The following RNF139 variants were observed in gnomAD, a reference collection of about 807,000 sequenced individuals.
RNF139 encodes ring finger protein 139.
Under a neutral mutation model 49.5 loss-of-function variants are expected in RNF139, and 15 were observed. That is an observed-to-expected ratio of 0.30 (90% confidence interval 0.20 to 0.47). The LOEUF (loss-of-function observed/expected upper bound fraction) is 0.47, where lower values mean the gene tolerates loss of function less well. Ranked by LOEUF, RNF139 falls within the 20% of genes least tolerant of loss-of-function variation. The pLI, the probability that RNF139 is intolerant of heterozygous loss-of-function variation, is 1.00. For missense variants in RNF139, 619 were observed against 806.3 expected (o/e 0.77, Z 2.81); for synonymous variants, 325 against 300.9 (o/e 1.08, Z -0.83).
intron 1 of RNF139, among the ~76,000 whole-genome samples, chr8:124,479,953 C>T (rs1392295894): frequency 1.3e-5 from 2 of 151,896 alleles, no homozygotes; most frequent in Non-Finnish European, 2.9e-5. Flanking sequence ...TAGTGAGACC[C>T]TGTCTCTGCA....
intron 1 of RNF139, among the ~76,000 whole-genome samples, chr8:124,477,398 T>G (rs1419229658): frequency 6.6e-6 from 1 of 152,252 alleles, no homozygotes; most frequent in Admixed American, 6.5e-5. Context: ...TCGTTCTGCC[T>G]TGTTAGTTTT....
At chr8:124,482,817 T>G (rs186105707) in intron 1 of RNF139, among the ~76,000 whole-genome samples, 2 of 149,344 alleles carry the variant, frequency 1.3e-5, no homozygotes, top group Admixed American at 1.4e-4. Context: ...TCCCAGCTTC[T>G]TGGGAGGCTG....
At chr8:124,478,623 C>CA (rs1193982560) in intron 1 of RNF139, among the ~76,000 whole-genome samples, 2 of 147,138 alleles carry the variant, frequency 1.4e-5, no homozygotes, top group Admixed American at 6.7e-5. Flanking sequence ...AAAAAAAAGT[C>CA]AAAAAAAATT....
intron 1 of RNF139, among the ~76,000 whole-genome samples, chr8:124,485,180 A>G (rs376211876): frequency 1.1e-3 from 170 of 152,278 alleles, no homozygotes; most frequent in African/African-American, 3.9e-3. Flanking sequence ...TCTGGCCAAC[A>G]TGGTGAAACC....
At chr8:124,483,180 T>TAATATATATTA (rs1816480001) in intron 1 of RNF139, among the ~76,000 whole-genome samples, 1 of 136,544 alleles carries the variant, frequency 7.3e-6, no homozygotes, top group Non-Finnish European at 1.5e-5. Flanking sequence ...TGGCCCATTT[T>TAATATATATTA]CTTGGGGAAT....
chr8:124,483,970 A>G (rs1273521213), intron 1 of RNF139, among the ~76,000 whole-genome samples: 1 of 152,156 alleles, frequency 6.6e-6, no homozygotes, highest in African/African-American at 2.4e-5. Flanking sequence ...TACATGTGTA[A>G]TAGGGTAGAT....
At chr8:124,480,401 C>T (rs1282161225) in intron 1 of RNF139, among the ~76,000 whole-genome samples, 6 of 105,064 alleles carry the variant, frequency 5.7e-5, no homozygotes, top group African/African-American at 2.1e-4. Flanking sequence ...GAGACTCCAT[C>T]ACTAAAAAAA....
intron 1 of RNF139, among the ~76,000 whole-genome samples, chr8:124,477,280 AT>A (rs1421947048): frequency 2.6e-5 from 4 of 152,312 alleles, no homozygotes; most frequent in African/African-American, 9.6e-5. Context: ...AATTTTTCAC[AT>A]TTGTAAGGAT....
At position 124,482,977 on chromosome 8, in the gene RNF139, A is replaced by AAT. The variant is rs377661619; in HGVS notation, c.182-2843_182-2842dup. 7.7e-3 allele frequency among the ~76,000 whole-genome samples: 703 copies of AAT among 91,436 alleles called. 19 individuals carry two copies. The highest frequency in any genetic ancestry group is 0.041 in the South Asian group (90 of 2,208). 60.0% of individuals were successfully genotyped at this position (91,436 alleles called of 152,430 possible). A position where few individuals can be genotyped will look rare whatever the true frequency, so the allele number is the denominator to read the frequency against. On this transcript the variant is annotated intron_variant, in intron 1 of 1. Transcript: ENST00000303545. ...ATATATAATATATATATATTATTTAAATATATATATATTTAAAAATATATA... is the reference window on the plus strand; with the variant it reads ...ATATATAATATATATATATTATTTAAATATATATATATATTTAAAAATATATA...
At chr8:124,476,948 A>C (rs150812497) in intron 1 of RNF139, among the ~76,000 whole-genome samples, 1 of 152,206 alleles carries the variant, frequency 6.6e-6, no homozygotes, top group East Asian at 1.9e-4. Context: ...TTTTGTAATA[A>C]ATCTTGGAAG....
chr8:124,480,849 C>CATCA (rs924709846), intron 1 of RNF139, among the ~76,000 whole-genome samples: 2 of 151,958 alleles, frequency 1.3e-5, no homozygotes, highest in African/African-American at 4.8e-5. Context: ...ACAAAACAGT[C>CATCA]ATCACTCCAG....
chr8:124,475,235 G>A lies in RNF139; in HGVS notation c.126G>A (p.Pro42=), dbSNP rs968308386. 4 of 1,610,134 alleles carry A rather than the reference G, an allele frequency of 2.5e-6. No individual in the cohort carries two copies. Among genetic ancestry groups the A allele is most frequent in the Non-Finnish European group, 3.4e-6 (4 of 1,177,586 alleles). The change falls in exon 1 of 2, where the codon CCG becomes CCA. Residue 42 remains proline, a synonymous_variant. Transcript: ENST00000303545. Reference sequence around the variant, plus strand: ...TCGACGCCATCTTCAACTCCTACCCGGATTCCAGCCAAAGCCGGTTCTGCA... The same window carrying A: ...TCGACGCCATCTTCAACTCCTACCCAGATTCCAGCCAAAGCCGGTTCTGCA... The part of the protein sequence containing the change: ...YIIDAIFNSY[P]DSSQSRFCIV...
chr8:124,486,158 T>C lies in RNF139; in HGVS notation c.509T>C (p.Leu170Pro). ...CCTGTAATAGGCTTAATCACAGAGC[T>C]ACCATTACACATCAGAGAGACTTTA... ...LVPVIGLITELPLHIRETLLF... is the reference protein window; with the variant it reads ...LVPVIGLITEPPLHIRETLLF... Residue 170 changes from leucine to proline, a missense_variant, in exon 2 of 2, where the codon CTA (leucine) becomes CCA (proline). Physicochemically the swap from Leu to Pro is moderately conservative, Grantham distance 98 (BLOSUM62 -3). This residue lies in a region of RNF139 where 530 missense variants were observed against 728.9 expected (regional missense o/e 0.73). Transcript: ENST00000303545. The C allele has an allele frequency of 1.9e-6, 3 of 1,614,166 alleles. No individual in the cohort carries two copies. The South Asian group carries it at 3.3e-5, about 18-fold the overall frequency.
chr8:124,480,511 A>T (rs1816390758), intron 1 of RNF139, among the ~76,000 whole-genome samples: 1 of 152,080 alleles, frequency 6.6e-6, no homozygotes, highest in Admixed American at 6.6e-5. Context: ...ACACAGATGA[A>T]TTAACCCGAT....
chr8:124,482,876 A>G (rs930599828), intron 1 of RNF139, among the ~76,000 whole-genome samples: 4 of 145,608 alleles, frequency 2.7e-5, no homozygotes, highest in African/African-American at 1.0e-4. Flanking sequence ...CAGTGAGCCA[A>G]GATCACGCCA....
At chr8:124,481,810 A>G (rs1350687797) in intron 1 of RNF139, among the ~76,000 whole-genome samples, 3 of 152,146 alleles carry the variant, frequency 2.0e-5, no homozygotes, top group Admixed American at 1.3e-4. Context: ...TTTAAATACC[A>G]AGAAAGGCTT....
At chr8:124,485,209 C>A (rs1002630798) in intron 1 of RNF139, among the ~76,000 whole-genome samples, 6 of 152,034 alleles carry the variant, frequency 3.9e-5, no homozygotes, top group Non-Finnish European at 8.8e-5. Flanking sequence ...ACTAAAAATA[C>A]AAAAATTAGC....
chr8:124,483,059 A>AAATATATATTTTT (rs1816466849), intron 1 of RNF139, among the ~76,000 whole-genome samples: 1 of 10,892 alleles, frequency 9.2e-5, no homozygotes, highest in Non-Finnish European at 1.7e-4. Context: ...ATATCTATTA[A>AAATATATATTTTT]AAATATATAT....
chr8:124,487,393 T>C lies in RNF139; in HGVS notation c.1744T>C (p.Cys582Arg). The change falls in exon 2 of 2, where the codon TGT (cysteine) becomes CGT (arginine). Residue 582 changes from cysteine (C) to arginine (R), a missense_variant. By Grantham distance (180) the Cys-to-Arg change is radical. Transcript: ENST00000303545. ...LRKWLYIQDT[C>R]PMCHQKVYIE... ...GAAATGGCTGTACATTCAAGATACTTGTCCAATGTGCCATCAGAAAGTATA... is the reference window on the plus strand; with the variant it reads ...GAAATGGCTGTACATTCAAGATACTCGTCCAATGTGCCATCAGAAAGTATA... 1 of 1,614,180 alleles carries C rather than the reference T, an allele frequency of 6.2e-7. No homozygotes were observed. The highest frequency in any genetic ancestry group is 1.1e-5 in the South Asian group (1 of 91,082).
Sources: allele counts gnomAD v4.1 joint callset (sites outside exome capture counted in the v4.1 genomes callset), GRCh38; gene constraint gnomAD v4.1.1; regional missense constraint gnomAD v4.1.1; transcripts MANE v1.5; gene names NCBI Gene and HGNC (gene_info 2026-07-23, HGNC 2026-07-21).